EPB41L2: variants seen among roughly 807,000 people sequenced by gnomAD.
EPB41L2 encodes band 4.1-like protein 2.
Under a neutral mutation model 113.0 loss-of-function variants are expected in EPB41L2, and 43 were observed. The observed-to-expected ratio is 0.38, with a 90% confidence interval of 0.30 to 0.49. The LOEUF (loss-of-function observed/expected upper bound fraction) is 0.49, where lower values mean the gene tolerates loss of function less well. Among genes scored for constraint, EPB41L2 ranks in the 20% least tolerant of loss-of-function variants. The probability of loss-of-function intolerance (pLI) is 0.95; values close to 1 mark genes in which losing one functional copy is unlikely to be tolerated. For synonymous variants in EPB41L2, 442 were observed against 436.7 expected (o/e 1.01, Z -0.15); for missense variants, 1,147 against 1,223.4 (o/e 0.94, Z 0.93).
rs142169929 is a variant in EPB41L2, at chr6:130,932,518, C to T, written c.706-5809G>A. Among the ~76,000 whole-genome samples the T allele has an allele frequency of 3.3e-3, 502 of 152,264 alleles. 3 individuals are homozygous for T. The highest frequency in any genetic ancestry group is 0.012 in the African/African-American group (486 of 41,564). On this transcript the variant is annotated intron_variant, in intron 3 of 19. Transcript: ENST00000337057. ...TAAAGAGAACCACTTACTGACTTAT[C>T]AAGACATATTCTAATTTTTTTCCTC...
chr6:130,869,932 ACTGCTG>A lies in EPB41L2; in HGVS notation c.2232_2237del (p.Ser745_Ser746del). The A allele has an allele frequency of 6.2e-7, 1 of 1,611,462 alleles. No individual in the cohort carries two copies. The highest frequency in any genetic ancestry group is 8.5e-7 in the Non-Finnish European group (1 of 1,179,536). On this transcript the variant is annotated inframe_deletion, in exon 15 of 20. Coordinates refer to ENST00000337057, the MANE Select transcript of EPB41L2 (RefSeq NM_001431.4). ...CTCCCACGTCTTCCTCCTCACTCTC[ACTGCTG>A]CTGCTGCTGCTCTCAGAAGACAGGG...
At chr6:130,917,364 G>T (rs1427121376) in intron 4 of EPB41L2, among the ~76,000 whole-genome samples, 1 of 152,076 alleles carries the variant, frequency 6.6e-6, no homozygotes, top group Non-Finnish European at 1.5e-5. Flanking sequence ...TCCAACTTTA[G>T]CAAGAATCCT....
At chr6:131,031,958 G>T (rs948992139) in intron 1 of EPB41L2, among the ~76,000 whole-genome samples, 1 of 152,172 alleles carries the variant, frequency 6.6e-6, no homozygotes, top group Admixed American at 6.5e-5. Flanking sequence ...GTATAAAAGG[G>T]AGAGGAAGCA....
At chr6:130,938,441 G>A (rs779476065) in intron 3 of EPB41L2, among the ~76,000 whole-genome samples, 1 of 151,918 alleles carries the variant, frequency 6.6e-6, no homozygotes, top group East Asian at 1.9e-4. Context: ...CTGGCTGGGT[G>A]AATCTTTAAG....
chr6:131,013,798 AT>A (rs750202928), intron 1 of EPB41L2, among the ~76,000 whole-genome samples: 1 of 152,166 alleles, frequency 6.6e-6, no homozygotes, highest in Non-Finnish European at 1.5e-5. Context: ...GGCCCCATAT[AT>A]TTTGCATTTT....
At chr6:130,896,502 GCAAC>G (rs1794700519) in intron 8 of EPB41L2, among the ~76,000 whole-genome samples, 1 of 152,176 alleles carries the variant, frequency 6.6e-6, no homozygotes, top group Non-Finnish European at 1.5e-5. Context: ...AAGTGGGGAG[GCAAC>G]CCGCATTTGA....
At chr6:130,926,493 T>A in intron 4 of EPB41L2, 112 bp downstream of exon 4, 1 of 767,078 alleles carries the variant, frequency 1.3e-6, no homozygotes, top group Non-Finnish European at 2.1e-6. Context: ...CACAGTGAAG[T>A]CATAATAAAC....
intron 1 of EPB41L2, among the ~76,000 whole-genome samples, chr6:131,041,361 C>CA (rs550141221): frequency 1.0e-3 from 155 of 152,126 alleles, no homozygotes; most frequent in African/African-American, 3.5e-3. Context: ...AACCATTAGG[C>CA]AAAAAAGCTT....
intron 17 of EPB41L2, among the ~76,000 whole-genome samples, chr6:130,865,141 A>G (rs1214786538): frequency 6.6e-6 from 1 of 152,234 alleles, no homozygotes; most frequent in Non-Finnish European, 1.5e-5. Flanking sequence ...TAAATGAGGG[A>G]AATTCTACAT....
chr6:130,971,367 T>C (rs1776730706), intron 1 of EPB41L2, among the ~76,000 whole-genome samples: 1 of 152,236 alleles, frequency 6.6e-6, no homozygotes, highest in African/African-American at 2.4e-5. Context: ...TTTTTTTCCT[T>C]TTCCTTAAGA....
rs554721250 is a variant in EPB41L2, at chr6:131,057,637, C to G, written c.-15+5518G>C. On this transcript the variant is annotated intron_variant, in intron 1 of 19. Coordinates refer to ENST00000337057, the MANE Select transcript of EPB41L2 (RefSeq NM_001431.4). ...TACAAGGGCTTGGAAAAGGTGACTT[C>G]AGAGTTGGTAATCAGAACTATATGA... is the stretch of plus-strand genomic sequence containing the variant. Among the ~76,000 whole-genome samples the G allele has an allele frequency of 9.2e-5, 14 of 152,274 alleles. 1 individual carries two copies. The highest frequency in any genetic ancestry group is 3.4e-4 in the African/African-American group (14 of 41,542).
At chr6:130,913,016 A>C (rs1211869455) in intron 4 of EPB41L2, among the ~76,000 whole-genome samples, 1 of 152,202 alleles carries the variant, frequency 6.6e-6, no homozygotes, top group African/African-American at 2.4e-5. Flanking sequence ...CCCAGTACAG[A>C]AGAGCAACAA....
chr6:130,951,437 G>C (rs1285328032), intron 3 of EPB41L2, among the ~76,000 whole-genome samples: 3 of 143,290 alleles, frequency 2.1e-5, no homozygotes, highest in Non-Finnish European at 4.5e-5. Context: ...TGATTCTCCT[G>C]CCTCAGTCTC....
intron 15 of EPB41L2, chr6:130,868,844 A>C (rs919024424): frequency 1.8e-4 from 27 of 152,294 alleles, no homozygotes; most frequent in African/African-American, 6.0e-4. Context: ...TCCACAAAAC[A>C]TATAATCATC....
intron 1 of EPB41L2, among the ~76,000 whole-genome samples, chr6:130,983,514 A>G (rs1779839452): frequency 6.7e-6 from 1 of 149,846 alleles, no homozygotes; most frequent in African/African-American, 2.5e-5. Context: ...GTACACTACT[A>G]TAGACTTTTT....
intron 7 of EPB41L2, among the ~76,000 whole-genome samples, chr6:130,900,608 G>T (rs981924780): frequency 1.3e-5 from 2 of 152,108 alleles, no homozygotes; most frequent in Non-Finnish European, 2.9e-5. Flanking sequence ...TAGTAATAAG[G>T]ACAATTATAA....
intron 17 of EPB41L2, 98 bp downstream of exon 17, chr6:130,865,438 T>G (rs7775013): frequency 0.37 from 441,294 of 1,196,726 alleles, 84,021 homozygotes; most frequent in East Asian, 0.44. Flanking sequence ...ACTGTCTGTA[T>G]CTTACTTGGA....
chr6:130,966,151 T>C (rs1277077750), intron 1 of EPB41L2, among the ~76,000 whole-genome samples: 1 of 152,212 alleles, frequency 6.6e-6, no homozygotes, highest in Non-Finnish European at 1.5e-5. Context: ...TGGACAAGCT[T>C]GTGGTAAGGT....
intron 14 of EPB41L2, chr6:130,872,593 G>A: frequency 8.5e-7 from 1 of 1,176,320 alleles, no homozygotes; most frequent in Non-Finnish European, 1.1e-6. Context: ...AGAACAGACA[G>A]CAGTGACCTA....
Sources: allele counts gnomAD v4.1 joint callset (sites outside exome capture counted in the v4.1 genomes callset), GRCh38; gene constraint gnomAD v4.1.1; transcripts MANE v1.5; gene names NCBI Gene and HGNC (gene_info 2026-07-23, HGNC 2026-07-21).